Variants in RAB11FIP4 observed in about 807,000 individuals in gnomAD.
RAB11FIP4 encodes RAB11 family interacting protein 4.
In RAB11FIP4, 23 loss-of-function variants were observed where a neutral mutation model predicts 74.3. The observed-to-expected ratio is 0.31, with a 90% CI of 0.22 to 0.44. RAB11FIP4 has a LOEUF of 0.44. Among genes scored for constraint, RAB11FIP4 ranks in the 20% least tolerant of loss-of-function variants. The pLI is 1.00. For missense variants in RAB11FIP4, 630 were observed against 863.9 expected (o/e 0.73, Z 3.39); for synonymous variants, 360 against 359.9 (o/e 1.00, Z 0.00).
At chr17:31,447,879 G>A (rs1413948157) in intron 3 of RAB11FIP4, among the ~76,000 whole-genome samples, 1 of 149,778 alleles carries the variant, frequency 6.7e-6, no homozygotes, top group African/African-American at 2.4e-5. Flanking sequence ...GGAGTGCAGT[G>A]GCGCGATCTC....
chr17:31,482,970 G>A (rs1047227823), intron 3 of RAB11FIP4, among the ~76,000 whole-genome samples: 7 of 151,920 alleles, frequency 4.6e-5, no homozygotes, highest in South Asian at 2.1e-4. Context: ...CGAGGCGGGC[G>A]GATCACGGGA....
At chr17:31,444,457 G>A (rs1270611796) in intron 3 of RAB11FIP4, among the ~76,000 whole-genome samples, 1 of 151,702 alleles carries the variant, frequency 6.6e-6, no homozygotes, top group East Asian at 1.9e-4. Context: ...CTCTGATTAA[G>A]CCAAAGGTGG....
chr17:31,434,216 A>T (rs1474262266), intron 3 of RAB11FIP4, 94 bp downstream of exon 3: 1 of 1,024,090 alleles, frequency 9.8e-7, no homozygotes, highest in African/African-American at 1.6e-5. Flanking sequence ...GAGGACCCAG[A>T]ACCTCCCTCT....
chr17:31,450,321 TTTATTATTATTATTA>T (rs67188813), intron 3 of RAB11FIP4, among the ~76,000 whole-genome samples: 13,856 of 137,768 alleles, frequency 0.1, 821 homozygotes, highest in Middle Eastern at 0.16. Context: ...CGCCACCGGC[TTTATTATTATTATTA>T]TTATTATTAT....
At chr17:31,496,919 C>T (rs2072127025) in intron 3 of RAB11FIP4, among the ~76,000 whole-genome samples, 1 of 152,242 alleles carries the variant, frequency 6.6e-6, no homozygotes, top group Admixed American at 6.5e-5. Context: ...AAAATCAGAC[C>T]TGGTTCAAAT....
chr17:31,526,534 T>C (rs2072770005), intron 10 of RAB11FIP4: 1 of 152,084 alleles, frequency 6.6e-6, no homozygotes, highest in Non-Finnish European at 1.5e-5. Flanking sequence ...GAGGACATGA[T>C]GGGGAGGTGG....
rs936363808 is a variant in RAB11FIP4 at position 31,409,076 on chromosome 17, G to A, written c.159+17065G>A. 2.6e-5 allele frequency among the ~76,000 whole-genome samples: 4 copies of A among 152,312 alleles called. No homozygotes were observed. In the South Asian group the frequency reaches 8.3e-4, roughly 32 times the overall value. On this transcript the variant is annotated intron_variant, in intron 1 of 14. Transcript: ENST00000621161. ...GCAGCCAGATGCAGCTAGCTGGGCTGAGGCTGTTCCCTGGCCCGTGTGTGG... is the reference window on the plus strand; with the variant it reads ...GCAGCCAGATGCAGCTAGCTGGGCTAAGGCTGTTCCCTGGCCCGTGTGTGG...
intron 1 of RAB11FIP4, among the ~76,000 whole-genome samples, chr17:31,402,610 AT>A (rs1314179236): frequency 1.3e-5 from 2 of 149,176 alleles, no homozygotes; most frequent in African/African-American, 4.9e-5. Context: ...TTATTTATTT[AT>A]TTATTTATTT....
chr17:31,526,333 T>C (rs2072766281), intron 10 of RAB11FIP4: 1 of 152,190 alleles, frequency 6.6e-6, no homozygotes, highest in Non-Finnish European at 1.5e-5. Context: ...AACTGTCTCC[T>C]AACGTGTGCC....
At chr17:31,499,042 C>A (rs1355576891) in intron 3 of RAB11FIP4, among the ~76,000 whole-genome samples, 1 of 152,194 alleles carries the variant, frequency 6.6e-6, no homozygotes, top group Non-Finnish European at 1.5e-5. Context: ...CCTTTATACG[C>A]ACCCCATTCA....
rs533767221 is a variant in RAB11FIP4, at chr17:31,491,302, C to G, written c.337-26349C>G. ...TGGTACTGAATTCATTCACCAGATT[C>G]TTCGTTGCCTACTTTGTGCCAGATT... On this transcript the variant is annotated intron_variant, in intron 3 of 14. Transcript: ENST00000621161. 2.0e-5 allele frequency among the ~76,000 whole-genome samples: 3 copies of G among 152,366 alleles called. 1 individual carries two copies. In the South Asian group the frequency reaches 6.2e-4, roughly 32 times the overall value.
chr17:31,441,703 T>C (rs1453537514), intron 3 of RAB11FIP4, among the ~76,000 whole-genome samples: 1 of 151,782 alleles, frequency 6.6e-6, no homozygotes, highest in Non-Finnish European at 1.5e-5. Context: ...AATTTTTGTA[T>C]TTTTAGTAGA....
chr17:31,425,880 G>C (rs1238187635), intron 1 of RAB11FIP4, among the ~76,000 whole-genome samples: 2 of 152,172 alleles, frequency 1.3e-5, no homozygotes, highest in African/African-American at 4.8e-5. Context: ...CCTGCCTGGG[G>C]CCCAGGCTCC....
Position 31,522,395 on chromosome 17 carries a change from G to A in RAB11FIP4, c.929G>A (p.Arg310Gln), listed in dbSNP as rs1377826154. Residue 310 changes from arginine (R) to glutamine (Q), a missense_variant and splice_region_variant, in exon 7 of 15, where the codon CGG becomes CAG. Transcript: ENST00000621161. ...NRKISSTAFG[R>Q]QLMHSSNFSS... is the part of the protein sequence containing the mutation. ...AAGATCTCCAGCACGGCCTTTGGAC[G>A]GTAAGGCCCGCCTCGAGGGAGGGCA... is the stretch of plus-strand genomic sequence containing the variant. 1.9e-6 allele frequency: 3 copies of A among 1,613,666 alleles called. No homozygotes were observed. Among genetic ancestry groups the A allele is most frequent in the Non-Finnish European group, 2.5e-6 (3 of 1,179,810 alleles).
At chr17:31,450,321 T>TTA (rs2071512759) in intron 3 of RAB11FIP4, among the ~76,000 whole-genome samples, 1 of 137,792 alleles carries the variant, frequency 7.3e-6, no homozygotes, top group African/African-American at 2.7e-5. Flanking sequence ...CGCCACCGGC[T>TTA]TTATTATTAT....
intron 3 of RAB11FIP4, among the ~76,000 whole-genome samples, chr17:31,479,737 G>A (rs1268819962): frequency 6.6e-6 from 1 of 152,138 alleles, no homozygotes; most frequent in Non-Finnish European, 1.5e-5. Context: ...GGACAGAGGA[G>A]GCCAAAAGTT....
At chr17:31,471,711 G>A (rs146529358) in intron 3 of RAB11FIP4, among the ~76,000 whole-genome samples, 29 of 152,280 alleles carry the variant, frequency 1.9e-4, no homozygotes, top group African/African-American at 7.0e-4. Context: ...CCGAGCTCTC[G>A]GTGCTAATGT....
chr17:31,421,490 A>G (rs1597907325), intron 1 of RAB11FIP4, among the ~76,000 whole-genome samples: 1 of 145,698 alleles, frequency 6.9e-6, no homozygotes, highest in African/African-American at 2.6e-5. Context: ...AAGCTCTGGG[A>G]TTACAAACGT....
Position 31,391,677 on chromosome 17 carries a change from A to C in RAB11FIP4, c.-176A>C. Reference sequence around the variant, plus strand: ...TCCCCTCCCCTCCCTTCCCCTCCGGAGCGGCTGGGGCTGCGGCGCCGCTGC... The same window carrying C: ...TCCCCTCCCCTCCCTTCCCCTCCGGCGCGGCTGGGGCTGCGGCGCCGCTGC... On this transcript the variant is annotated 5_prime_UTR_variant, in exon 1 of 15. Coordinates refer to ENST00000621161, the MANE Select transcript of RAB11FIP4 (RefSeq NM_032932.6). The C allele has an allele frequency of 1.0e-5, 2 of 193,006 alleles. No homozygotes were observed. The highest frequency in any genetic ancestry group is 1.7e-5 in the Non-Finnish European group (2 of 116,452). The allele number at this position is 193,006 out of a possible 1,614,324, so 12.0% of individuals were successfully genotyped here. A position where few individuals can be genotyped will look rare whatever the true frequency, so the allele number is the denominator to read the frequency against.
Sources: gnomAD v4.1 joint callset for allele counts (sites outside exome capture counted in the v4.1 genomes callset) on GRCh38, gnomAD v4.1.1 for gene constraint, MANE v1.5 for transcripts, NCBI Gene and HGNC (gene_info 2026-07-23, HGNC 2026-07-21) for gene names.